The following SPOP variants were observed in gnomAD, a reference collection of about 807,000 sequenced individuals.
The protein encoded by SPOP is speckle-type POZ protein.
In SPOP, 11 loss-of-function variants were observed where a neutral mutation model predicts 45.6. That is an observed-to-expected ratio of 0.24 (90% CI 0.15 to 0.40). The LOEUF (loss-of-function observed/expected upper bound fraction) is 0.40, where lower values mean the gene tolerates loss of function less well. Among genes scored for constraint, SPOP ranks in the 10% least tolerant of loss-of-function variants. The pLI is 1.00. For synonymous variants in SPOP, 166 were observed against 166.3 expected (o/e 1.00, Z 0.01); for missense variants, 152 against 465.6 (o/e 0.33, Z 6.20).
intron 6 of SPOP, among the ~76,000 whole-genome samples, chr17:49,609,075 A>G (rs2071912914): frequency 6.6e-6 from 1 of 151,956 alleles, no homozygotes; most frequent in Non-Finnish European, 1.5e-5. Flanking sequence ...CGCCTGGCTA[A>G]TTTTTGTATT....
chr17:49,622,211 G>A (rs2072234214), intron 2 of SPOP, 144 bp from the exon 3 acceptor site: 1 of 1,020,570 alleles, frequency 9.8e-7, no homozygotes, highest in Non-Finnish European at 1.5e-6. Flanking sequence ...CTCACCTTAT[G>A]TTCCTCATCC....
intron 1 of SPOP, among the ~76,000 whole-genome samples, chr17:49,671,590 A>G (rs1437183873): frequency 6.6e-6 from 1 of 152,118 alleles, no homozygotes; most frequent in Admixed American, 6.5e-5. Context: ...AATCCATGAC[A>G]CTAAAACAAT....
chr17:49,646,722 G>A (rs2072764844), intron 1 of SPOP: 1 of 152,122 alleles, frequency 6.6e-6, no homozygotes, highest in Admixed American at 6.6e-5. Flanking sequence ...ACAGCTCTGT[G>A]AGGCACACAG....
At chr17:49,612,370 C>G (rs2071992539) in intron 5 of SPOP, among the ~76,000 whole-genome samples, 1 of 152,184 alleles carries the variant, frequency 6.6e-6, no homozygotes, top group South Asian at 2.1e-4. Context: ...GTAGTGAAAA[C>G]TGGGTGAGTA....
chr17:49,630,764 T>C (rs1411812493), intron 1 of SPOP, among the ~76,000 whole-genome samples: 1 of 152,174 alleles, frequency 6.6e-6, no homozygotes, highest in Non-Finnish European at 1.5e-5. Flanking sequence ...TTTTCATTTT[T>C]TAAATTCTTA....
At position 49,665,649 on chromosome 17, in the gene SPOP, G is replaced by GACACACACACACACACAC. The variant is rs71352530; in HGVS notation, c.-67+12266_-67+12283dup. On this transcript the variant is annotated intron_variant, in intron 1 of 9. Coordinates refer to ENST00000504102, the MANE Select transcript of SPOP (RefSeq NM_001007228.2). ...CAAAAAAAGATTATATATATATACA[G>GACACACACACACACACAC]ACACACACACACACACACACACACA... Among the ~76,000 whole-genome samples the GACACACACACACACACAC allele has an allele frequency of 7.6e-3, 965 of 126,746 alleles. 22 individuals carry two copies. Among genetic ancestry groups the GACACACACACACACACAC allele is most frequent in the Admixed American group, 0.016 (182 of 11,620 alleles). The allele number at this position is 126,746 out of a possible 152,430, so 83.2% of individuals were successfully genotyped here.
intron 1 of SPOP, among the ~76,000 whole-genome samples, chr17:49,632,355 G>A (rs2072466117): frequency 6.6e-6 from 1 of 152,156 alleles, no homozygotes; most frequent in South Asian, 2.1e-4. Flanking sequence ...ACAGAGCTAT[G>A]GGGGGAGTTC....
rs2071703105 is a variant in SPOP, at chr17:49,599,564, GA to G, written c.*813del. 9.2e-6 allele frequency: 2 copies of G among 216,428 alleles called. No homozygotes were observed. Among genetic ancestry groups the G allele is most frequent in the East Asian group, 6.9e-5 (1 of 14,588 alleles). 13.4% of individuals were successfully genotyped at this position (216,428 alleles called of 1,614,324 possible). A position where few individuals can be genotyped will look rare whatever the true frequency, so the allele number is the denominator to read the frequency against. On this transcript the variant is annotated 3_prime_UTR_variant, in exon 10 of 10. Coordinates refer to ENST00000504102, the MANE Select transcript of SPOP (RefSeq NM_001007228.2). Reference sequence around the variant, plus strand: ...GTGGGGGAGAAGAAATAAAATCAGAGAAAAATGCCCAAAAACATTTTCCACA... The same window carrying G: ...GTGGGGGAGAAGAAATAAAATCAGAGAAAATGCCCAAAAACATTTTCCACA...
chr17:49,604,785 G>A (rs2071806083), intron 8 of SPOP, among the ~76,000 whole-genome samples: 1 of 152,166 alleles, frequency 6.6e-6, no homozygotes, highest in Admixed American at 6.5e-5. Context: ...GCCTAGAAGG[G>A]CAGACCATTG....
chr17:49,668,688 A>G (rs1216797976), intron 1 of SPOP, among the ~76,000 whole-genome samples: 4 of 151,678 alleles, frequency 2.6e-5, no homozygotes, highest in Non-Finnish European at 5.9e-5. Context: ...TATTCTTTAT[A>G]TTTTTCTATA....
At chr17:49,669,857 G>A (rs889055839) in intron 1 of SPOP, among the ~76,000 whole-genome samples, 3 of 151,394 alleles carry the variant, frequency 2.0e-5, no homozygotes, top group Admixed American at 6.6e-5. Flanking sequence ...ATGGTTATCT[G>A]TTTCCAAATA....
At chr17:49,620,509 A>T (rs2072201542) in intron 3 of SPOP, 1 of 152,126 alleles carries the variant, frequency 6.6e-6, no homozygotes, top group Admixed American at 6.6e-5. Context: ...TTTTATAGAT[A>T]ATAATATACA....
At chr17:49,639,345 T>G (rs1452489749) in intron 1 of SPOP, among the ~76,000 whole-genome samples, 1 of 152,048 alleles carries the variant, frequency 6.6e-6, no homozygotes, top group Non-Finnish European at 1.5e-5. Context: ...TACCACCAGT[T>G]TGGAAAATAG....
At chr17:49,654,493 T>C (rs2072881753) in intron 1 of SPOP, among the ~76,000 whole-genome samples, 1 of 152,226 alleles carries the variant, frequency 6.6e-6, no homozygotes, top group African/African-American at 2.4e-5. Flanking sequence ...GAAATTATGT[T>C]AGTTTCTTTT....
intron 5 of SPOP, among the ~76,000 whole-genome samples, chr17:49,616,082 A>C (rs1029149743): frequency 4.6e-5 from 7 of 152,238 alleles, no homozygotes; most frequent in African/African-American, 1.4e-4. Context: ...GTCTACAGTC[A>C]TATCACCCTG....
intron 1 of SPOP, among the ~76,000 whole-genome samples, chr17:49,629,562 A>G (rs953765764): frequency 2.6e-5 from 4 of 152,252 alleles, no homozygotes; most frequent in African/African-American, 9.6e-5. Flanking sequence ...TCAGTAACTT[A>G]TCTGAACTAA....
chr17:49,676,315 G>A (rs1025200661), intron 1 of SPOP, among the ~76,000 whole-genome samples: 2 of 152,096 alleles, frequency 1.3e-5, no homozygotes, highest in Non-Finnish European at 2.9e-5. Flanking sequence ...TCTTTCCCAG[G>A]AAGATATATG....
intron 1 of SPOP, among the ~76,000 whole-genome samples, chr17:49,655,848 T>C (rs1311544016): frequency 6.6e-6 from 1 of 152,226 alleles, no homozygotes; most frequent in Non-Finnish European, 1.5e-5. Context: ...TTCGCTCTTG[T>C]TGCCCAGGCT....
At chr17:49,623,084 G>A (rs755061450) in intron 1 of SPOP, among the ~76,000 whole-genome samples, 3 of 151,394 alleles carry the variant, frequency 2.0e-5, no homozygotes, top group Non-Finnish European at 4.4e-5. Flanking sequence ...TTGGCTCACC[G>A]CAACCTCCGC....
Sources: gnomAD v4.1 joint callset for allele counts (sites outside exome capture counted in the v4.1 genomes callset) on GRCh38, gnomAD v4.1.1 for gene constraint, MANE v1.5 for transcripts, NCBI Gene and HGNC (gene_info 2026-07-23, HGNC 2026-07-21) for gene names.